The following DUOX1 variants were observed in gnomAD, a reference collection of about 807,000 sequenced individuals.
DUOX1 encodes the protein dual oxidase 1, also known as NADPH thyroid oxidase 1.
A neutral mutation model predicts 181.8 loss-of-function variants in DUOX1; 134 were observed. The observed-to-expected ratio is 0.74, with a 90% confidence interval of 0.64 to 0.85. The LOEUF is 0.85. Ranked by LOEUF, DUOX1 falls within the 40% of genes least tolerant of loss-of-function variation. The pLI, the probability that DUOX1 is intolerant of heterozygous loss-of-function variation, is 0.00. For missense variants in DUOX1, 1,814 were observed against 2,064.4 expected, an observed-to-expected ratio of 0.88 and a Z score of 2.35; for synonymous variants, 798 against 832.5, an observed-to-expected ratio of 0.96 and a Z score of 0.71.
chr15:45,148,360 G>A lies in DUOX1; in HGVS notation c.2731G>A (p.Asp911Asn), dbSNP rs1178956421. The change falls in exon 21 of 34, where the codon GAC becomes AAC. Residue 911 changes from aspartate (D) to asparagine (N), a missense_variant. Coordinates refer to ENST00000389037, the MANE Select transcript of DUOX1 (RefSeq NM_175940.3). ...ESMFRESGFQ[D>N]KEELTWEDFH... ...CATGTTCCGGGAGTCGGGATTCCAGGACAAGGAGGAACTGACATGGGAAGA... is the reference window on the plus strand; with the variant it reads ...CATGTTCCGGGAGTCGGGATTCCAGAACAAGGAGGAACTGACATGGGAAGA... The A allele has an allele frequency of 6.2e-7, 1 of 1,614,088 alleles. No homozygotes were observed. The highest frequency in any genetic ancestry group is 8.5e-7 in the Non-Finnish European group (1 of 1,180,048).
chr15:45,163,959 T>C, intron 33 of DUOX1, 41 bp downstream of exon 33: 1 of 1,604,160 alleles, frequency 6.2e-7, no homozygotes, highest in Non-Finnish European at 8.5e-7. Flanking sequence ...CTCTTTATCA[T>C]TTGGGGTCTG....
At position 45,147,490 on chromosome 15, in the gene DUOX1, G is replaced by T; in HGVS notation, c.2380G>T (p.Val794Leu). ...CCTGCCCCTGGACTCCTCCCAGAAG[G>T]TGCGGGAGGCCCTGACCTGTGAGCT... Reference protein sequence around the residue: ...GTLPLDSSQKVREALTCELSR... With the variant: ...GTLPLDSSQKLREALTCELSR... The change falls in exon 19 of 34, where the codon GTG becomes TTG. Residue 794 changes from valine to leucine, a missense_variant. Physicochemically the swap from Val to Leu is conservative, Grantham distance 32. Around this residue, in one of 5 missense-constraint regions of DUOX1, gnomAD observed 1,064 missense variants for 1,152.9 expected, o/e 0.92. Coordinates refer to ENST00000389037, the MANE Select transcript of DUOX1 (RefSeq NM_175940.3). The T allele has an allele frequency of 6.2e-7, 1 of 1,614,090 alleles. No homozygotes were observed. Among genetic ancestry groups the T allele is most frequent in the Non-Finnish European group, 8.5e-7 (1 of 1,180,014 alleles).
intron 12 of DUOX1, 159 bp from the exon 13 acceptor site, chr15:45,140,736 C>A: frequency 1.6e-6 from 1 of 643,906 alleles, no homozygotes; most frequent in Non-Finnish European, 2.6e-6. Context: ...GTAAAACACT[C>A]AGAGAAGTGC....
chr15:45,147,537 G>C lies in DUOX1; in HGVS notation c.2427G>C (p.Glu809Asp). ...TCELSRAEFA[E>D]SLGLKPQDMF... ...AGCTGAGCAGGGCCGAGTTTGCCGAGTCCCTGGGCCTCAAGCCCCAGGACA... is the reference window on the plus strand; with the variant it reads ...AGCTGAGCAGGGCCGAGTTTGCCGACTCCCTGGGCCTCAAGCCCCAGGACA... Residue 809 changes from glutamate (E) to aspartate (D), a missense_variant, in exon 19 of 34, where the codon GAG becomes GAC. Physicochemically the swap from Glu to Asp is conservative, Grantham distance 45 (BLOSUM62 2). Coordinates refer to ENST00000389037, the MANE Select transcript of DUOX1 (RefSeq NM_175940.3). The C allele has an allele frequency of 6.2e-7, 1 of 1,614,092 alleles. No individual in the cohort carries two copies. Among genetic ancestry groups the C allele is most frequent in the Non-Finnish European group, 8.5e-7 (1 of 1,179,978 alleles).
chr15:45,153,420 C>T lies in DUOX1; in HGVS notation c.3465C>T (p.Phe1155=), dbSNP rs1160070291. Residue 1155 remains phenylalanine (F), a synonymous_variant, in exon 26 of 34, where the codon TTC becomes TTT. Coordinates refer to ENST00000389037, the MANE Select transcript of DUOX1 (RefSeq NM_175940.3). ...GCCATGTGGTGAATGTGTACCTGTT[C>T]TCCATCAGCCCCCTCAGCGTCCTCT... ...SVGHVVNVYL[F]SISPLSVLSC... is the part of the protein sequence containing the mutation. 2 of 1,613,762 alleles carry T rather than the reference C, an allele frequency of 1.2e-6. No homozygotes were observed.
rs781166038 is a variant in DUOX1, at chr15:45,139,132, G to C, written c.1180G>C (p.Glu394Gln). Residue 394 changes from glutamate (E) to glutamine (Q), a missense_variant, in exon 11 of 34, where the codon GAG becomes CAG. Physicochemically the swap from Glu to Gln is conservative, Grantham distance 29. Transcript: ENST00000389037. The stretch of plus-strand genomic sequence containing the variant: ...GCTGGGCATGGCCTCCCAGATCGCA[G>C]AGCGAGAGGACCATGTGTTGGTTGA... The part of the protein sequence containing the change: ...LLLGMASQIA[E>Q]REDHVLVEDV... 6.2e-7 allele frequency: 1 copy of C among 1,614,206 alleles called. No individual in the cohort carries two copies. The highest frequency in any genetic ancestry group is 8.5e-7 in the Non-Finnish European group (1 of 1,180,034).
intron 12 of DUOX1, 85 bp downstream of exon 12, chr15:45,139,684 G>T: frequency 7.1e-7 from 1 of 1,406,430 alleles, no homozygotes. Flanking sequence ...AGTGAAACTT[G>T]AGCACAAGAG....
chr15:45,134,072 G>A, intron 3 of DUOX1, 73 bp from the exon 4 acceptor site: 4 of 1,545,426 alleles, frequency 2.6e-6, no homozygotes, highest in Non-Finnish European at 3.5e-6. Context: ...ATGACATGGA[G>A]GAAAGCCTGG....
chr15:45,157,878 T>C (rs1281844871), intron 28 of DUOX1, among the ~76,000 whole-genome samples: 2 of 151,588 alleles, frequency 1.3e-5, no homozygotes, highest in Non-Finnish European at 2.9e-5. Flanking sequence ...TGCTAGGCTA[T>C]CCTCACCAGC....
chr15:45,144,182 A>G lies in DUOX1; in HGVS notation c.2083A>G (p.Ser695Gly). 6.2e-7 allele frequency: 1 copy of G among 1,614,190 alleles called. No individual in the cohort carries two copies. Among genetic ancestry groups the G allele is most frequent in the Non-Finnish European group, 8.5e-7 (1 of 1,180,060 alleles). Residue 695 changes from serine (S) to glycine (G), a missense_variant, in exon 17 of 34, where the codon AGC becomes GGC. By Grantham distance (56) the Ser-to-Gly change is moderately conservative. Around this residue, in one of 5 missense-constraint regions of DUOX1, gnomAD observed 1,064 missense variants for 1,152.9 expected, o/e 0.92. Transcript: ENST00000389037. ...ACAGAAGGTCAACTTCGTCCTGTCC[A>G]GCAACCGTGGACGCCGCACTCTGCT... is the stretch of plus-strand genomic sequence containing the variant. ...PPQKVNFVLS[S>G]NRGRRTLLLK...
chr15:45,153,338 C>A, intron 25 of DUOX1, 42 bp from the exon 26 acceptor site: 1 of 1,570,916 alleles, frequency 6.4e-7, no homozygotes, highest in Non-Finnish European at 8.8e-7. Context: ...AGCACCCACC[C>A]TGGGCTGCCC....
intron 1 of DUOX1, among the ~76,000 whole-genome samples, chr15:45,131,211 C>G (rs1048961334): frequency 3.3e-5 from 5 of 152,098 alleles, no homozygotes; most frequent in Non-Finnish European, 7.4e-5. Flanking sequence ...CTCAGGAGTC[C>G]CAGCCTGAGT....
intron 28 of DUOX1, 64 bp from the exon 29 acceptor site, chr15:45,160,773 G>A (rs1467421854): frequency 9.1e-6 from 14 of 1,545,042 alleles, no homozygotes; most frequent in African/African-American, 2.7e-5. Context: ...TCTAAGGCCT[G>A]AGCTGGCCCT....
rs927225569 is a variant in DUOX1 at position 45,152,222 on chromosome 15, G to A, written c.3194-64G>A. The A allele has an allele frequency of 1.6e-5, 24 of 1,513,900 alleles. No individual in the cohort carries two copies. The African/African-American group carries it at 2.7e-4, about 17-fold the overall frequency. 93.8% of individuals were successfully genotyped at this position (1,513,900 alleles called of 1,614,324 possible). A position where few individuals can be genotyped will look rare whatever the true frequency, so the allele number is the denominator to read the frequency against. On this transcript the variant is annotated intron_variant, in intron 24 of 33. Coordinates refer to ENST00000389037, the MANE Select transcript of DUOX1 (RefSeq NM_175940.3). ...GAGTGGCAGCCGGCCAGGGCCTACC[G>A]CCCCTAACCAGCTCTCTGTCCTCTG...
At chr15:45,152,173 G>A in intron 24 of DUOX1, 113 bp from the exon 25 acceptor site, 1 of 1,471,148 alleles carries the variant, frequency 6.8e-7, no homozygotes, top group Non-Finnish European at 9.2e-7. Flanking sequence ...TCTGAGTGAA[G>A]ACTGTGCGGG....
At chr15:45,152,102 G>A (rs1267047881) in intron 24 of DUOX1, 50 bp downstream of exon 24, 1 of 1,592,748 alleles carries the variant, frequency 6.3e-7, no homozygotes, top group East Asian at 2.3e-5. Flanking sequence ...TGCAATGAGT[G>A]ATCGCCCTGG....
Position 45,144,889 on chromosome 15 carries a change from C to G in DUOX1, c.2137-6C>G, listed in dbSNP as rs539813312. The G allele has an allele frequency of 5.0e-6, 8 of 1,605,024 alleles. No individual in the cohort carries two copies. Among genetic ancestry groups the G allele is most frequent in the Admixed American group, 1.7e-5 (1 of 58,910 alleles). ...ATGGTTGCTTTTGCTCGGGCTGCCC[C>G]CTTAGGTGCTGCTGTTTAACTTGGA... On this transcript the variant is annotated splice_polypyrimidine_tract_variant and splice_region_variant and intron_variant, in intron 17 of 33. Coordinates refer to ENST00000389037, the MANE Select transcript of DUOX1 (RefSeq NM_175940.3).
chr15:45,165,275 C>T lies in DUOX1; in HGVS notation c.*374C>T. 5.0e-6 allele frequency: 1 copy of T among 198,554 alleles called. No homozygotes were observed. Among genetic ancestry groups the T allele is most frequent in the Non-Finnish European group, 1.0e-5 (1 of 98,566 alleles). 12.3% of individuals were successfully genotyped at this position (198,554 alleles called of 1,614,324 possible). The stretch of plus-strand genomic sequence containing the variant: ...TGTTGGGGCGGTGAGTGTAAGGATG[C>T]AGTGGGAGCATGGATGCTGGCATCT... On this transcript the variant is annotated 3_prime_UTR_variant, in exon 34 of 34. Coordinates refer to ENST00000389037, the MANE Select transcript of DUOX1 (RefSeq NM_175940.3).
intron 28 of DUOX1, among the ~76,000 whole-genome samples, chr15:45,159,735 C>T (rs1454784955): frequency 6.6e-6 from 1 of 152,146 alleles, no homozygotes; most frequent in African/African-American, 2.4e-5. Context: ...GCGCCTTTCC[C>T]CAACAGTTAC....
Sources: gnomAD v4.1 joint callset for allele counts (sites outside exome capture counted in the v4.1 genomes callset) on GRCh38, gnomAD v4.1.1 for gene constraint, gnomAD v4.1.1 regional missense constraint, MANE v1.5 for transcripts, NCBI Gene and HGNC (gene_info 2026-07-23, HGNC 2026-07-21) for gene names.